The following ANK3 variants were observed in gnomAD, a reference collection of about 807,000 sequenced individuals.
ANK3 encodes ankyrin-3.
In ANK3, 57 loss-of-function variants were observed where a neutral mutation model predicts 370.9. That is an observed-to-expected ratio of 0.15 (90% CI 0.12 to 0.19). ANK3 has a LOEUF of 0.19. Among genes scored for constraint, ANK3 ranks in the 10% least tolerant of loss-of-function variants. The probability of loss-of-function intolerance (pLI) is 1.00; values close to 1 mark genes in which losing one functional copy is unlikely to be tolerated. For synonymous variants in ANK3, 1,929 were observed against 1,946.3 expected, an observed-to-expected ratio of 0.99 and a Z score of 0.23; for missense variants, 4,439 against 5,302.1, an observed-to-expected ratio of 0.84 and a Z score of 5.06.
At chr10:60,544,769 A>G (rs1017652736) in intron 2 of ANK3, among the ~76,000 whole-genome samples, 1 of 152,118 alleles carries the variant, frequency 6.6e-6, no homozygotes. Context: ...TGTACTCCTT[A>G]ACCTAGGACA....
Position 60,108,836 on chromosome 10 carries a change from A to T in ANK3, c.3167T>A (p.Phe1056Tyr). 6.2e-7 allele frequency: 1 copy of T among 1,613,510 alleles called. No individual in the cohort carries two copies. Among genetic ancestry groups the T allele is most frequent in the Non-Finnish European group, 8.5e-7 (1 of 1,179,532 alleles). The change falls in exon 27 of 44, where the codon TTT becomes TAT. Residue 1056 changes from phenylalanine (F) to tyrosine (Y), a missense_variant. This residue lies in a region of ANK3 where 702 missense variants were observed against 941.5 expected (regional missense o/e 0.75). Coordinates refer to ENST00000280772, the MANE Select transcript of ANK3 (RefSeq NM_020987.5). Reference protein sequence around the residue: ...LVEMGPAGAQFLGPVIVEIPH... With the variant: ...LVEMGPAGAQYLGPVIVEIPH... ...AATTGACAAAACAACTTACCCTAAAAATTGTGCCCCTGCAGGACCCATTTC... is the reference window on the plus strand; with the variant it reads ...AATTGACAAAACAACTTACCCTAAATATTGTGCCCCTGCAGGACCCATTTC...
intron 2 of ANK3, among the ~76,000 whole-genome samples, chr10:60,469,166 T>TACCACTTTTA (rs2065105465): frequency 9.7e-6 from 1 of 102,878 alleles, no homozygotes; most frequent in Non-Finnish European, 2.0e-5. Context: ...TATATGTGTG[T>TACCACTTTTA]GTGTATATAT....
intron 1 of ANK3, among the ~76,000 whole-genome samples, chr10:60,724,514 T>A (rs746372406): frequency 3.3e-5 from 5 of 152,160 alleles, no homozygotes; most frequent in Admixed American, 6.5e-5. Context: ...CTGAGCACCT[T>A]CTAAATCCAT....
In ANK3 at chr10:60,205,801, A is replaced by C. The variant is rs763667061; in HGVS notation, c.1284T>G (p.Ala428=). ...TCTTAACTCTTCTCACCTCGGTTAC[A>C]GCTTGGATGGATGCACCGTGTTTCA... ...LLLKHGASIQ[A]VTESGLTPIH... Residue 428 remains alanine (A), a synonymous_variant, in exon 11 of 44, where the codon GCT becomes GCG. Coordinates refer to ENST00000280772, the MANE Select transcript of ANK3 (RefSeq NM_020987.5). 5 of 1,612,548 alleles carry C rather than the reference A, an allele frequency of 3.1e-6. No homozygotes were observed. The African/African-American group carries it at 5.3e-5, about 17-fold the overall frequency.
intron 25 of ANK3, among the ~76,000 whole-genome samples, chr10:60,128,505 G>A (rs372136661): frequency 6.6e-6 from 1 of 151,618 alleles, no homozygotes; most frequent in Non-Finnish European, 1.5e-5. Flanking sequence ...TCAGCCTCCC[G>A]AGTAGCTGGG....
intron 1 of ANK3, among the ~76,000 whole-genome samples, chr10:60,362,423 G>T (rs899091120): frequency 6.6e-6 from 1 of 152,130 alleles, no homozygotes; most frequent in Non-Finnish European, 1.5e-5. Context: ...GTTATGCTGA[G>T]CTAAGATTTA....
intron 1 of ANK3, among the ~76,000 whole-genome samples, chr10:60,680,164 G>C (rs200365098): frequency 6.7e-6 from 1 of 148,702 alleles, no homozygotes; most frequent in East Asian, 2.0e-4. Flanking sequence ...AAGAAAGAAA[G>C]AATAAAAGGA....
intron 1 of ANK3, among the ~76,000 whole-genome samples, chr10:60,356,021 A>G (rs542111602): frequency 8.4e-4 from 128 of 152,338 alleles, no homozygotes; most frequent in African/African-American, 3.0e-3. Flanking sequence ...AGTAACAGCA[A>G]CACACACATA....
chr10:60,547,512 C>T (rs2076993736), intron 2 of ANK3, among the ~76,000 whole-genome samples: 1 of 152,090 alleles, frequency 6.6e-6, no homozygotes, highest in Admixed American at 6.6e-5. Context: ...TCTCCTGCCC[C>T]AGCCTCCCAA....
At chr10:60,424,949 C>A (rs146874213) in intron 2 of ANK3, among the ~76,000 whole-genome samples, 134 of 152,050 alleles carry the variant, frequency 8.8e-4, no homozygotes, top group African/African-American at 3.1e-3. Context: ...TAAAGAGGGG[C>A]CTTTAGGTCA....
intron 28 of ANK3, among the ~76,000 whole-genome samples, chr10:60,103,230 G>A (rs1018322883): frequency 1.4e-4 from 21 of 150,066 alleles, no homozygotes; most frequent in African/African-American, 4.7e-4. Context: ...GATTACAGGC[G>A]TGAACCACAC....
At chr10:60,732,094 TG>T (rs2080030459) in intron 1 of ANK3, among the ~76,000 whole-genome samples, 2 of 152,208 alleles carry the variant, frequency 1.3e-5, no homozygotes, top group African/African-American at 2.4e-5. Flanking sequence ...GGTGAACTGT[TG>T]TTTTCAAGAC....
chr10:60,268,168 C>A (rs190556829), intron 5 of ANK3, among the ~76,000 whole-genome samples: 44 of 152,190 alleles, frequency 2.9e-4, no homozygotes, highest in African/African-American at 1.0e-3. Flanking sequence ...CCCTTGCACC[C>A]GGCTAAATGT....
rs773959864 is a variant in ANK3 at position 60,070,280 on chromosome 10, G to A, written c.10601C>T (p.Thr3534Ile). ...AAAATCTAGACCTTTGGTAGCTACTGTTTTAAAAGGAGTGGCAAATTCTTC... is the reference window on the plus strand; with the variant it reads ...AAAATCTAGACCTTTGGTAGCTACTATTTTAAAAGGAGTGGCAAATTCTTC... ...VDEEFATPFK[T>I]VATKGLDFDP... is the part of the protein sequence containing the mutation. Residue 3534 changes from threonine to isoleucine, a missense_variant, in exon 37 of 44, where the codon ACA (threonine) becomes ATA (isoleucine). Physicochemically the swap from Thr to Ile is moderately conservative, Grantham distance 89 (BLOSUM62 -1). Around this residue, in one of 13 missense-constraint regions of ANK3, gnomAD observed 1,601 missense variants for 1,731.7 expected, o/e 0.92. Coordinates refer to ENST00000280772, the MANE Select transcript of ANK3 (RefSeq NM_020987.5). This position sits in a 1 kb window ranked among gnomAD's most constrained non-coding sequence, Gnocchi z 5.7. 2 of 1,614,096 alleles carry A rather than the reference G, an allele frequency of 1.2e-6. No homozygotes were observed. The highest frequency in any genetic ancestry group is 1.1e-5 in the South Asian group (1 of 91,078).
chr10:60,121,264 A>G (rs952886068), intron 25 of ANK3, among the ~76,000 whole-genome samples: 1 of 152,116 alleles, frequency 6.6e-6, no homozygotes, highest in African/African-American at 2.4e-5. Flanking sequence ...GAAAGCTAAA[A>G]ATTAAAATAA....
chr10:60,363,970 GTTTTTT>G (rs113960102), intron 1 of ANK3, among the ~76,000 whole-genome samples: 21 of 138,230 alleles, frequency 1.5e-4, no homozygotes, highest in Admixed American at 1.0e-3. Flanking sequence ...AAGGAGAAGT[GTTTTTT>G]TTTTTTTTTT....
At chr10:60,086,354 T>C (rs2086674508) in intron 30 of ANK3, among the ~76,000 whole-genome samples, 2 of 152,174 alleles carry the variant, frequency 1.3e-5, no homozygotes, top group South Asian at 4.1e-4. Flanking sequence ...ACCAAGAAAT[T>C]ACCTAGATTG....
intron 1 of ANK3, among the ~76,000 whole-genome samples, chr10:60,289,987 T>C (rs557101068): frequency 6.6e-5 from 10 of 152,304 alleles, no homozygotes; most frequent in African/African-American, 1.9e-4. Flanking sequence ...GGATTTTTTT[T>C]TCCTATGAGA....
intron 1 of ANK3, among the ~76,000 whole-genome samples, chr10:60,301,379 CACAT>C (rs565820547): frequency 1.3e-4 from 19 of 149,008 alleles, no homozygotes; most frequent in African/African-American, 3.5e-4. Flanking sequence ...CACACACACA[CACAT>C]ACATACATAC....
Sources: allele counts gnomAD v4.1 joint callset (sites outside exome capture counted in the v4.1 genomes callset), GRCh38; gene constraint gnomAD v4.1.1; regional missense constraint gnomAD v4.1.1; non-coding constraint Gnocchi (gnomAD v3.1); transcripts MANE v1.5; gene names NCBI Gene and HGNC (gene_info 2026-07-23, HGNC 2026-07-21).